The following TRAPPC9 variants were observed in gnomAD, a reference collection of about 807,000 sequenced individuals.
The protein encoded by TRAPPC9 is IKK2 binding protein.
TRAPPC9 carries 83 observed loss-of-function variants against 124.0 expected under a neutral mutation model. That is an observed-to-expected ratio of 0.67 (90% CI 0.56 to 0.80). The LOEUF is 0.80. TRAPPC9 is among the 30% of genes least tolerant of loss of function. TRAPPC9 has a pLI of 0.00. For synonymous variants in TRAPPC9, 638 were observed against 617.5 expected (o/e 1.03, Z -0.49); for missense variants, 1,302 against 1,508.3 (o/e 0.86, Z 2.27).
chr8:140,454,576 G>A (rs535408791), intron 1 of TRAPPC9, among the ~76,000 whole-genome samples: 4 of 145,128 alleles, frequency 2.8e-5, no homozygotes, highest in Admixed American at 7.2e-5. Flanking sequence ...GGAGATGGGG[G>A]TTGCAGTGAG....
chr8:139,794,031 T>G (rs1388998797), intron 21 of TRAPPC9, among the ~76,000 whole-genome samples: 1 of 151,238 alleles, frequency 6.6e-6, no homozygotes, highest in Admixed American at 6.6e-5. Context: ...CCCCTGCAGG[T>G]CTCTTGGGAG....
intron 9 of TRAPPC9, among the ~76,000 whole-genome samples, chr8:140,315,283 T>C (rs1010076449): frequency 2.7e-5 from 4 of 150,854 alleles, no homozygotes; most frequent in Admixed American, 6.6e-5. Flanking sequence ...GGGCTGATTT[T>C]GAGAGATAAA....
At chr8:140,423,679 CAT>C (rs35372025) in intron 5 of TRAPPC9, among the ~76,000 whole-genome samples, 12 of 54,896 alleles carry the variant, frequency 2.2e-4, no homozygotes, top group Non-Finnish European at 4.0e-4. Context: ...CACATATACA[CAT>C]ATATACACAT....
At chr8:140,060,256 G>C (rs1587617254) in intron 17 of TRAPPC9, among the ~76,000 whole-genome samples, 1 of 152,176 alleles carries the variant, frequency 6.6e-6, no homozygotes, top group East Asian at 1.9e-4. Flanking sequence ...CATCCAGAAG[G>C]CCTCGGGTGT....
rs1429511143 is a variant in TRAPPC9 at position 140,051,571 on chromosome 8, TCA to T, written c.2557-27494_2557-27493del. 9.8e-3 allele frequency among the ~76,000 whole-genome samples: 1,423 copies of T among 144,796 alleles called. 27 individuals are homozygous for T. The highest frequency in any genetic ancestry group is 0.036 in the African/African-American group (1,350 of 37,304). 95.0% of individuals were successfully genotyped at this position (144,796 alleles called of 152,430 possible). On this transcript the variant is annotated intron_variant, in intron 17 of 22. Transcript: ENST00000438773. ...TGGCACCCACACAGGAAAACATTGT[TCA>T]TTCTTTTTTTTTTTTTTTTTTTTTT... is the stretch of plus-strand genomic sequence containing the variant.
chr8:140,447,041 C>T (rs962189196), intron 2 of TRAPPC9, among the ~76,000 whole-genome samples: 13 of 152,202 alleles, frequency 8.5e-5, no homozygotes, highest in Non-Finnish European at 1.5e-4. Context: ...AGGCCAGAAA[C>T]GTTCGCTCAG....
intron 5 of TRAPPC9, among the ~76,000 whole-genome samples, chr8:140,419,448 A>AAAAAAAAAAAAAAC (rs1554683879): frequency 9.5e-5 from 9 of 94,808 alleles, no homozygotes; most frequent in East Asian, 3.1e-4. Flanking sequence ...AAAAAAAAAA[A>AAAAAAAAAAAAAAC]AAAACAAAAC....
At chr8:139,839,959 C>A (rs1826621160) in intron 21 of TRAPPC9, among the ~76,000 whole-genome samples, 1 of 152,198 alleles carries the variant, frequency 6.6e-6, no homozygotes, top group Non-Finnish European at 1.5e-5. Context: ...TCCAAAGAAA[C>A]CCTGGCTATT....
In TRAPPC9 at chr8:139,737,480, C is replaced by A. The variant is rs184495959; in HGVS notation, c.3056-5278G>T. 3.2e-3 allele frequency among the ~76,000 whole-genome samples: 427 copies of A among 132,764 alleles called. 45 individuals are homozygous for A. Among genetic ancestry groups the A allele is most frequent in the Admixed American group, 4.7e-3 (64 of 13,574 alleles). 87.1% of individuals were successfully genotyped at this position (132,764 alleles called of 152,430 possible). The stretch of plus-strand genomic sequence containing the variant: ...GTCATCAGCCCTCCCCCCCCCCCCA[C>A]GGAAAACCCTGAGTCTGGTGTCTGG... On this transcript the variant is annotated intron_variant, in intron 21 of 22. Coordinates refer to ENST00000438773, the MANE Select transcript of TRAPPC9 (RefSeq NM_001160372.4).
chr8:139,809,667 GA>G (rs1165202995), intron 21 of TRAPPC9, among the ~76,000 whole-genome samples: 1 of 152,120 alleles, frequency 6.6e-6, no homozygotes, highest in Non-Finnish European at 1.5e-5. Flanking sequence ...TCTCCCTGCA[GA>G]AGCCCCCATT....
chr8:140,035,466 G>A (rs1413541481), intron 17 of TRAPPC9, among the ~76,000 whole-genome samples: 1 of 152,178 alleles, frequency 6.6e-6, no homozygotes, highest in African/African-American at 2.4e-5. Context: ...ACCTGCAGAG[G>A]GCTAGAAACT....
chr8:139,830,869 G>A (rs1407266439), intron 21 of TRAPPC9, among the ~76,000 whole-genome samples: 3 of 152,222 alleles, frequency 2.0e-5, no homozygotes, highest in East Asian at 1.9e-4. Flanking sequence ...AGAGGGTCCC[G>A]CCCAGGACAC....
At chr8:139,737,131 G>C (rs1204680163) in intron 21 of TRAPPC9, among the ~76,000 whole-genome samples, 1 of 152,194 alleles carries the variant, frequency 6.6e-6, no homozygotes. Flanking sequence ...CCCGTCTGTG[G>C]CCCGCGCAGG....
chr8:140,183,982 GGGAGGA>G (rs1169868011), intron 17 of TRAPPC9, among the ~76,000 whole-genome samples: 20 of 137,470 alleles, frequency 1.5e-4, no homozygotes, highest in African/African-American at 4.1e-4. Context: ...GGAGGGAGGA[GGGAGGA>G]GGGAGGAGGG....
intron 17 of TRAPPC9, among the ~76,000 whole-genome samples, chr8:140,219,791 A>AAGCCCTCACACGTTCAGGACAAACC (rs2063292481): frequency 6.6e-6 from 1 of 152,258 alleles, no homozygotes; most frequent in Non-Finnish European, 1.5e-5. Flanking sequence ...GCACATGCAC[A>AAGCCCTCACACGTTCAGGACAAACC]AGCCCTCACA....
At chr8:140,166,962 G>A (rs1445063612) in intron 17 of TRAPPC9, among the ~76,000 whole-genome samples, 1 of 152,172 alleles carries the variant, frequency 6.6e-6, no homozygotes, top group African/African-American at 2.4e-5. Context: ...ACCTCCCAGT[G>A]AGCATCATTG....
chr8:140,380,437 T>C (rs1300931722), intron 7 of TRAPPC9, among the ~76,000 whole-genome samples: 1 of 151,938 alleles, frequency 6.6e-6, no homozygotes, highest in Non-Finnish European at 1.5e-5. Flanking sequence ...GTGGATCGCC[T>C]GAGGTCAGGA....
At chr8:140,184,061 G>C (rs549995201) in intron 17 of TRAPPC9, among the ~76,000 whole-genome samples, 1 of 151,986 alleles carries the variant, frequency 6.6e-6, no homozygotes, top group African/African-American at 2.4e-5. Context: ...ACCGGGCCTG[G>C]AGAACTGACT....
intron 17 of TRAPPC9, chr8:140,082,059 A>C (rs907227975): frequency 4.6e-5 from 7 of 152,246 alleles, no homozygotes; most frequent in African/African-American, 1.7e-4. Context: ...AACCAAATCA[A>C]ATTGAAGCGT....
Sources: allele counts gnomAD v4.1 joint callset (sites outside exome capture counted in the v4.1 genomes callset), GRCh38; gene constraint gnomAD v4.1.1; transcripts MANE v1.5; gene names NCBI Gene and HGNC (gene_info 2026-07-23, HGNC 2026-07-21).